Variants in GOLGA4 observed in about 807,000 individuals in gnomAD.
The protein encoded by GOLGA4 is golgin A4.
Under a neutral mutation model 265.9 loss-of-function variants are expected in GOLGA4, and 169 were observed. The observed-to-expected ratio is 0.64, with a 90% CI of 0.56 to 0.72. The LOEUF (loss-of-function observed/expected upper bound fraction) is 0.72. Among genes scored for constraint, GOLGA4 ranks in the 30% least tolerant of loss-of-function variants. The pLI is 0.00. For missense variants in GOLGA4, 2,482 were observed against 2,483.4 expected (o/e 1.00, Z 0.01); for synonymous variants, 923 against 855.8 (o/e 1.08, Z -1.37).
At chr3:37,290,535 A>G (rs1049757322) in intron 5 of GOLGA4, among the ~76,000 whole-genome samples, 1 of 152,286 alleles carries the variant, frequency 6.6e-6, no homozygotes, top group East Asian at 1.9e-4. Context: ...AACCAGGCTA[A>G]TTTACTTTTG....
At chr3:37,283,503 G>A (rs1439252356) in intron 3 of GOLGA4, among the ~76,000 whole-genome samples, 2 of 152,118 alleles carry the variant, frequency 1.3e-5, no homozygotes, top group African/African-American at 2.4e-5. Flanking sequence ...GCTAGATACT[G>A]TGTATTTTAT....
chr3:37,290,642 C>T (rs2096862239), intron 5 of GOLGA4, among the ~76,000 whole-genome samples: 3 of 152,090 alleles, frequency 2.0e-5, no homozygotes, highest in Non-Finnish European at 4.4e-5. Flanking sequence ...GGATTAATAA[C>T]GTAGAAAAAT....
At chr3:37,364,266 G>A (rs1276548776) in intron 23 of GOLGA4, among the ~76,000 whole-genome samples, 3 of 152,052 alleles carry the variant, frequency 2.0e-5, no homozygotes, top group African/African-American at 7.2e-5. Flanking sequence ...TTGAGACGGA[G>A]TTTCACTCTT....
At position 37,321,727 on chromosome 3, in the gene GOLGA4, A is replaced by G. The variant is rs756057094; in HGVS notation, c.1546-4A>G. On this transcript the variant is annotated splice_polypyrimidine_tract_variant and splice_region_variant and intron_variant, in intron 12 of 23. Transcript: ENST00000361924. ...TAAGGTGGTATTAATTATTTTTGGC[A>G]CAGGAAAAGAGTCAATCAGAATATT... The G allele has an allele frequency of 1.3e-6, 2 of 1,593,980 alleles. No homozygotes were observed. The highest frequency in any genetic ancestry group is 2.3e-5 in the South Asian group (2 of 86,560).
intron 2 of GOLGA4, among the ~76,000 whole-genome samples, chr3:37,265,919 C>G (rs758894013): frequency 1.3e-5 from 2 of 149,438 alleles, no homozygotes; most frequent in Admixed American, 6.8e-5. Flanking sequence ...CCCAGCTACT[C>G]AGGAGGCTGA....
intron 2 of GOLGA4, among the ~76,000 whole-genome samples, chr3:37,281,419 C>T (rs1308535715): frequency 3.3e-5 from 5 of 152,172 alleles, no homozygotes; most frequent in African/African-American, 1.2e-4. Context: ...ACACATTACC[C>T]TCCCCCCATC....
intron 7 of GOLGA4, among the ~76,000 whole-genome samples, chr3:37,298,475 T>C (rs149400966): frequency 7.9e-5 from 12 of 152,284 alleles, no homozygotes; most frequent in African/African-American, 2.6e-4. Context: ...AGCAGTGATA[T>C]TAGGAGCAGT....
chr3:37,266,922 AAC>A (rs1170935791), intron 2 of GOLGA4: 1 of 1,282,630 alleles, frequency 7.8e-7, no homozygotes, highest in Non-Finnish European at 1.0e-6. Flanking sequence ...AACATCCTAA[AAC>A]ACAGAGTGAC....
chr3:37,336,203 A>G (rs1333402287), intron 17 of GOLGA4, among the ~76,000 whole-genome samples: 2 of 151,824 alleles, frequency 1.3e-5, no homozygotes, highest in Admixed American at 6.6e-5. Flanking sequence ...TTCTGTTTAA[A>G]TTTTCTTTAC....
intron 22 of GOLGA4, among the ~76,000 whole-genome samples, chr3:37,356,772 A>G (rs1207569402): frequency 6.6e-6 from 1 of 152,132 alleles, no homozygotes; most frequent in Admixed American, 6.6e-5. Flanking sequence ...TAAGAAAATA[A>G]TTTTAAATGA....
At position 37,325,732 on chromosome 3, in the gene GOLGA4, A is replaced by G. The variant is rs772634965; in HGVS notation, c.3846A>G (p.Thr1282=). The change falls in exon 14 of 24, where the codon ACA becomes ACG. Residue 1282 remains threonine (T), a synonymous_variant. Coordinates refer to ENST00000361924, the MANE Select transcript of GOLGA4 (RefSeq NM_002078.5). ...TAGAAGCACAACTTAGACAGTTGAC[A>G]GAGGAGCAAAATACACTAAATATTT... ...SELEAQLRQL[T]EEQNTLNISF... is the part of the protein sequence containing the mutation. 1 of 1,613,778 alleles carries G rather than the reference A, an allele frequency of 6.2e-7. No homozygotes were observed. Among genetic ancestry groups the G allele is most frequent in the South Asian group, 1.1e-5 (1 of 91,080 alleles).
intron 2 of GOLGA4, chr3:37,276,748 A>C: frequency 1.4e-6 from 1 of 724,756 alleles, no homozygotes; most frequent in Non-Finnish European, 2.4e-6. Context: ...CCCTTCCTTA[A>C]ATGCCTTCTG....
At chr3:37,288,631 C>G (rs756165765) in intron 4 of GOLGA4, among the ~76,000 whole-genome samples, 4 of 151,964 alleles carry the variant, frequency 2.6e-5, no homozygotes, top group Non-Finnish European at 2.9e-5. Flanking sequence ...CGCCTGCCAC[C>G]ACGCCTGGCT....
intron 10 of GOLGA4, among the ~76,000 whole-genome samples, chr3:37,303,292 A>G (rs1387331287): frequency 6.6e-6 from 1 of 152,236 alleles, no homozygotes; most frequent in Admixed American, 6.5e-5. Context: ...AGGAAGTCAA[A>G]CTTAGAAGCA....
intron 23 of GOLGA4, among the ~76,000 whole-genome samples, chr3:37,362,866 C>T (rs1410572892): frequency 6.9e-6 from 1 of 144,272 alleles, no homozygotes; most frequent in Non-Finnish European, 1.5e-5. Flanking sequence ...CACTGCAAGC[C>T]CCGCCTCCTG....
At chr3:37,308,864 T>G (rs2096914779) in intron 10 of GOLGA4, among the ~76,000 whole-genome samples, 1 of 152,084 alleles carries the variant, frequency 6.6e-6, no homozygotes, top group Non-Finnish European at 1.5e-5. Context: ...TCTGCCCGCC[T>G]CGGCCTCCCA....
chr3:37,364,555 G>T (rs1475463305), intron 23 of GOLGA4, among the ~76,000 whole-genome samples: 1 of 151,060 alleles, frequency 6.6e-6, no homozygotes, highest in African/African-American at 2.4e-5. Context: ...ATTTTCATTT[G>T]AGAAACATTA....
chr3:37,310,980 A>G (rs529191387), intron 10 of GOLGA4, among the ~76,000 whole-genome samples: 3 of 152,310 alleles, frequency 2.0e-5, no homozygotes, highest in Non-Finnish European at 4.4e-5. Context: ...TTGTCTAGAC[A>G]TTTTGAACAT....
intron 10 of GOLGA4, among the ~76,000 whole-genome samples, chr3:37,311,980 A>G (rs1428298646): frequency 6.6e-6 from 1 of 152,230 alleles, no homozygotes; most frequent in Non-Finnish European, 1.5e-5. Context: ...AATTTAAAAA[A>G]TGAAAACAGA....
Sources: allele counts gnomAD v4.1 joint callset (sites outside exome capture counted in the v4.1 genomes callset), GRCh38; gene constraint gnomAD v4.1.1; transcripts MANE v1.5; gene names NCBI Gene and HGNC (gene_info 2026-07-23, HGNC 2026-07-21).